Variants in NECTIN3 observed in about 807,000 individuals in gnomAD.
NECTIN3 encodes nectin-3.
Under a neutral mutation model 49.4 loss-of-function variants are expected in NECTIN3, and 8 were observed. That is an observed-to-expected ratio of 0.16 (90% CI 0.10 to 0.29). The LOEUF is 0.29. NECTIN3 is among the 10% of genes least tolerant of loss of function. The probability of loss-of-function intolerance (pLI) is 1.00; values close to 1 mark genes in which losing one functional copy is unlikely to be tolerated. For missense variants in NECTIN3, 581 were observed against 654.6 expected, an observed-to-expected ratio of 0.89 and a Z score of 1.23; for synonymous variants, 277 against 241.1, an observed-to-expected ratio of 1.15 and a Z score of -1.38.
chr3:111,173,690 A>G (rs904087581), intron 7 of NECTIN3, among the ~76,000 whole-genome samples: 3 of 152,168 alleles, frequency 2.0e-5, no homozygotes, highest in African/African-American at 7.2e-5. Flanking sequence ...GACTCAGTGT[A>G]TAGTAATAAT....
At chr3:111,173,013 A>G (rs946732954) in intron 7 of NECTIN3, among the ~76,000 whole-genome samples, 7 of 152,338 alleles carry the variant, frequency 4.6e-5, no homozygotes, top group African/African-American at 1.7e-4. Context: ...ACTTTCATAC[A>G]AATGCCACAT....
rs918420683 is a variant in NECTIN3, at chr3:111,175,277, A to G, written c.1222-17074A>G. ...ACAGGATAGTGGGCACGGTGGGCCAAAAGGCAACTTCTTGGGCATGAAAAC... is the reference window on the plus strand; with the variant it reads ...ACAGGATAGTGGGCACGGTGGGCCAGAAGGCAACTTCTTGGGCATGAAAAC... On this transcript the variant is annotated intron_variant, in intron 7 of 8. Transcript: ENST00000493615. Among the ~76,000 whole-genome samples the G allele has an allele frequency of 4.0e-5, 6 of 151,776 alleles. No homozygotes were observed. In the East Asian group the frequency reaches 1.2e-3, roughly 30 times the overall value.
rs1284946193 is a variant in NECTIN3 at position 111,118,280 on chromosome 3, ATATT to A, written c.503-375_503-372del. Among the ~76,000 whole-genome samples the A allele has an allele frequency of 1.4e-4, 20 of 139,544 alleles. 1 individual carries two copies. The highest frequency in any genetic ancestry group is 4.6e-4 in the African/African-American group (18 of 38,954). 91.5% of individuals were successfully genotyped at this position (139,544 alleles called of 152,430 possible). The stretch of plus-strand genomic sequence containing the variant: ...TATATATATATATATATATATATAT[ATATT>A]ATACATATATAAAACTTATCTTCCA... On this transcript the variant is annotated intron_variant, in intron 2 of 5. Transcript: ENST00000485303.
At chr3:111,074,375 G>C (rs1431161844) in intron 1 of NECTIN3, 1 of 355,728 alleles carries the variant, frequency 2.8e-6, no homozygotes, top group African/African-American at 2.1e-5. Context: ...GCCAGTTTTA[G>C]AGTTGAAAAG....
chr3:111,164,110 G>T (rs1277070772), intron 7 of NECTIN3, among the ~76,000 whole-genome samples: 1 of 152,018 alleles, frequency 6.6e-6, no homozygotes, highest in Non-Finnish European at 1.5e-5. Flanking sequence ...ACAATCAAAT[G>T]TTTGTGAAAT....
intron 7 of NECTIN3, among the ~76,000 whole-genome samples, chr3:111,148,832 G>A (rs1043505483): frequency 1.3e-5 from 2 of 151,920 alleles, no homozygotes; most frequent in Non-Finnish European, 2.9e-5. Flanking sequence ...TAACCTTATA[G>A]TATCATATAG....
At chr3:111,192,095 G>C (rs956138620), upstream of NECTIN3, among the ~76,000 whole-genome samples, 12 of 152,170 alleles carry the variant, frequency 7.9e-5, no homozygotes, top group African/African-American at 2.9e-4. Flanking sequence ...GCCTCCCAAA[G>C]TGCTAGGATT....
At chr3:111,140,120 A>G (rs1224495872), downstream of NECTIN3, among the ~76,000 whole-genome samples, 1 of 151,876 alleles carries the variant, frequency 6.6e-6, no homozygotes, top group African/African-American at 2.4e-5. Context: ...CCACCTCTCA[A>G]AAACAAATAG....
At chr3:111,130,036 G>C (rs1215160350) in intron 5 of NECTIN3, among the ~76,000 whole-genome samples, 1 of 149,158 alleles carries the variant, frequency 6.7e-6, no homozygotes, top group Middle Eastern at 3.4e-3. Flanking sequence ...GCTCACTGCA[G>C]GCTCCGCCTC....
Position 111,099,802 on chromosome 3 carries a change from A to G in NECTIN3, c.161-12228A>G, listed in dbSNP as rs563634798. ...GGGAAGAAATCATATAGCCTTGTAC[A>G]TTAGTGCCACTACAGAATCAGGCTT... On this transcript the variant is annotated intron_variant, in intron 1 of 5. Coordinates refer to ENST00000485303, the MANE Select transcript of NECTIN3 (RefSeq NM_015480.3). Among the ~76,000 whole-genome samples the G allele has an allele frequency of 2.0e-5, 3 of 152,286 alleles. No individual in the cohort carries two copies. In the East Asian group the frequency reaches 5.8e-4, roughly 29 times the overall value.
rs1270985813 is a variant in NECTIN3, at chr3:111,144,561, A to T, written c.1001-338A>T. ...TATATTAGAGAATATTGATTTTTAA[A>T]ATTACCTTTTAGAGTACAAACTTAA... is the stretch of plus-strand genomic sequence containing the variant. On this transcript the variant is annotated intron_variant, in intron 5 of 8. Transcript: ENST00000493615. Among the ~76,000 whole-genome samples the T allele has an allele frequency of 2.0e-5, 3 of 151,950 alleles. No homozygotes were observed. In the East Asian group the frequency reaches 5.8e-4, roughly 29 times the overall value.
intron 1 of NECTIN3, among the ~76,000 whole-genome samples, chr3:111,097,058 A>G (rs2032628418): frequency 1.3e-5 from 2 of 152,150 alleles, no homozygotes; most frequent in Admixed American, 1.3e-4. Flanking sequence ...CAGACACTCA[A>G]TGCCAGCCCG....
intron 5 of NECTIN3, among the ~76,000 whole-genome samples, chr3:111,144,173 C>T (rs1190529249): frequency 6.6e-6 from 1 of 151,868 alleles, no homozygotes. Flanking sequence ...ATGCTAACAG[C>T]CAAATATGTT....
chr3:111,185,694 T>C (rs773044347), intron 7 of NECTIN3, among the ~76,000 whole-genome samples: 1 of 152,164 alleles, frequency 6.6e-6, no homozygotes, highest in Non-Finnish European at 1.5e-5. Context: ...GAACAAAGAC[T>C]CTGCAGAGAA....
At chr3:111,180,044 G>T (rs756904589) in intron 7 of NECTIN3, among the ~76,000 whole-genome samples, 1 of 152,132 alleles carries the variant, frequency 6.6e-6, no homozygotes, top group East Asian at 1.9e-4. Flanking sequence ...AAAGAAAAAA[G>T]TTGATTAATA....
chr3:111,159,749 T>C (rs2035172386), intron 7 of NECTIN3, among the ~76,000 whole-genome samples: 1 of 152,226 alleles, frequency 6.6e-6, no homozygotes, highest in African/African-American at 2.4e-5. Context: ...ATTATATTTC[T>C]TTTTTGGTAA....
intron 7 of NECTIN3, among the ~76,000 whole-genome samples, chr3:111,172,081 T>G (rs116168906): frequency 1.3e-5 from 2 of 152,214 alleles, no homozygotes; most frequent in Non-Finnish European, 2.9e-5. Flanking sequence ...ATTTTAAGAC[T>G]TTTCTCCATG....
intron 7 of NECTIN3, among the ~76,000 whole-genome samples, chr3:111,170,087 A>G (rs539972495): frequency 1.3e-5 from 2 of 152,204 alleles, no homozygotes; most frequent in African/African-American, 2.4e-5. Context: ...GGCTGTTTAT[A>G]TATTAAGTGA....
At chr3:111,191,551 C>T (rs1015888135), upstream of NECTIN3, among the ~76,000 whole-genome samples, 1 of 151,226 alleles carries the variant, frequency 6.6e-6, no homozygotes, top group African/African-American at 2.4e-5. Context: ...AAAAATTCTT[C>T]TTAGGGTGAA....
Sources: gnomAD v4.1 joint callset for allele counts (sites outside exome capture counted in the v4.1 genomes callset) on GRCh38, gnomAD v4.1.1 for gene constraint, MANE v1.5 for transcripts, NCBI Gene and HGNC (gene_info 2026-07-23, HGNC 2026-07-21) for gene names.